SLC4A4: variants seen among roughly 807,000 people sequenced by gnomAD.
SLC4A4 encodes electrogenic sodium bicarbonate cotransporter 1.
SLC4A4 carries 27 observed loss-of-function variants against 111.5 expected under a neutral mutation model. The ratio of observed to expected loss-of-function variants is 0.24; its 90% confidence interval spans 0.18 to 0.33. The LOEUF (loss-of-function observed/expected upper bound fraction) is 0.33. Among genes scored for constraint, SLC4A4 ranks in the 10% least tolerant of loss-of-function variants. The pLI, the probability that SLC4A4 is intolerant of heterozygous loss-of-function variation, is 1.00. For synonymous variants in SLC4A4, 443 were observed against 463.4 expected (o/e 0.96, Z 0.57); for missense variants, 909 against 1,315.5 (o/e 0.69, Z 4.78).
chr4:71,129,236 A>G (rs945693270), intron 2 of SLC4A4, among the ~76,000 whole-genome samples: 4 of 152,260 alleles, frequency 2.6e-5, no homozygotes, highest in Non-Finnish European at 5.9e-5. Context: ...TCTAACATCC[A>G]GAATCTGTTA....
rs1319095531 is a variant in SLC4A4 at position 71,262,644 on chromosome 4, T to G, written c.253+7245T>G. The stretch of plus-strand genomic sequence containing the variant: ...CTAAGGCAATACTTCTTATTTGGAA[T>G]TTCAGCGTTAAGTTCATCCTTGAAA... On this transcript the variant is annotated intron_variant, in intron 3 of 25. Transcript: ENST00000264485. Among the ~76,000 whole-genome samples the G allele has an allele frequency of 5.3e-5, 8 of 152,202 alleles. 1 individual carries two copies. Among genetic ancestry groups the G allele is most frequent in the Middle Eastern group, 6.3e-3 (2 of 316 alleles).
At chr4:71,356,870 C>T in intron 5 of SLC4A4, 138 bp from the exon 6 acceptor site, 1 of 753,738 alleles carries the variant, frequency 1.3e-6, no homozygotes, top group Non-Finnish European at 2.1e-6. Context: ...TTATCTTTTA[C>T]ATAAAATGGG....
intron 23 of SLC4A4, among the ~76,000 whole-genome samples, chr4:71,563,345 T>C (rs1737159406): frequency 7.2e-6 from 1 of 139,828 alleles, no homozygotes; most frequent in African/African-American, 2.6e-5. Flanking sequence ...AGTCTGTCAC[T>C]TGTTCTAGAA....
chr4:71,232,407 T>C (rs577009014), intron 1 of SLC4A4, among the ~76,000 whole-genome samples: 2 of 152,282 alleles, frequency 1.3e-5, no homozygotes. Flanking sequence ...TTCTCTTTGT[T>C]TCTGTTTTTC....
chr4:71,211,037 T>C (rs1443941540), intron 1 of SLC4A4, among the ~76,000 whole-genome samples: 4 of 152,238 alleles, frequency 2.6e-5, no homozygotes, highest in African/African-American at 9.6e-5. Flanking sequence ...CAGAATGTTT[T>C]TCTTTGTAAT....
At chr4:71,427,299 G>A (rs1171729188) in intron 7 of SLC4A4, among the ~76,000 whole-genome samples, 3 of 151,936 alleles carry the variant, frequency 2.0e-5, no homozygotes, top group Admixed American at 2.0e-4. Context: ...AGGCATGAAT[G>A]TTACTGAATG....
intron 14 of SLC4A4, among the ~76,000 whole-genome samples, chr4:71,484,359 A>C (rs567993313): frequency 3.2e-4 from 49 of 151,940 alleles, no homozygotes; most frequent in South Asian, 4.2e-4. Context: ...TATGTTGCAT[A>C]AGGAAGAGGT....
intron 7 of SLC4A4, among the ~76,000 whole-genome samples, chr4:71,403,222 C>G (rs1405743841): frequency 6.6e-6 from 1 of 152,100 alleles, no homozygotes; most frequent in Non-Finnish European, 1.5e-5. Flanking sequence ...AAATTTAGAG[C>G]TATGGTTTTA....
intron 2 of SLC4A4, among the ~76,000 whole-genome samples, chr4:71,169,361 G>T (rs572079305): frequency 2.3e-4 from 35 of 151,890 alleles, no homozygotes; most frequent in Admixed American, 4.6e-4. Context: ...CTCCATAGTG[G>T]TTATACTAAT....
At chr4:71,190,529 G>A (rs1006130254) in intron 1 of SLC4A4, among the ~76,000 whole-genome samples, 1 of 151,944 alleles carries the variant, frequency 6.6e-6, no homozygotes, top group Non-Finnish European at 1.5e-5. Context: ...ATTGCATTTG[G>A]TAGTCTCAGC....
rs147405650 is a variant in SLC4A4, at chr4:71,145,247, G to A, written c.-2+52455G>A. ...TTGGTTCGTTTATATGCTGGATTAC[G>A]TTTATTGATTTGTGTATGTTGAACC... is the stretch of plus-strand genomic sequence containing the variant. On this transcript the variant is annotated intron_variant, in intron 2 of 26. Transcript: ENST00000649996. 2.0e-4 allele frequency among the ~76,000 whole-genome samples: 30 copies of A among 152,166 alleles called. No individual in the cohort carries two copies. In the South Asian group the frequency reaches 6.0e-3, roughly 31 times the overall value.
At chr4:71,296,240 G>T (rs560640458) in intron 3 of SLC4A4, among the ~76,000 whole-genome samples, 1 of 152,082 alleles carries the variant, frequency 6.6e-6, no homozygotes, top group South Asian at 2.1e-4. Flanking sequence ...GGAGCAGAAA[G>T]TGAAAGTCTC....
chr4:71,062,966 G>A (rs780380137), intron 1 of SLC4A4, among the ~76,000 whole-genome samples: 2 of 152,150 alleles, frequency 1.3e-5, no homozygotes, highest in Non-Finnish European at 2.9e-5. Context: ...TGCAAATACA[G>A]TGCACACACG....
At chr4:71,350,656 A>G (rs1452684770) in intron 5 of SLC4A4, among the ~76,000 whole-genome samples, 1 of 152,188 alleles carries the variant, frequency 6.6e-6, no homozygotes, top group Non-Finnish European at 1.5e-5. Context: ...CTTGACAGCT[A>G]ATCTATTTCT....
intron 2 of SLC4A4, among the ~76,000 whole-genome samples, chr4:71,100,353 A>G (rs897971519): frequency 2.6e-5 from 4 of 151,986 alleles, no homozygotes; most frequent in African/African-American, 9.7e-5. Flanking sequence ...GACAAAAAAA[A>G]AACACATGAT....
intron 14 of SLC4A4, among the ~76,000 whole-genome samples, chr4:71,476,833 T>C (rs1283272777): frequency 1.3e-5 from 2 of 151,716 alleles, no homozygotes; most frequent in African/African-American, 4.8e-5. Flanking sequence ...TTGACATATG[T>C]GAGTGGATAC....
intron 2 of SLC4A4, among the ~76,000 whole-genome samples, chr4:71,135,455 C>T (rs989797374): frequency 6.6e-6 from 1 of 151,990 alleles, no homozygotes; most frequent in African/African-American, 2.4e-5. Context: ...ACCACCATGC[C>T]TGGCTAATTT....
upstream of SLC4A4, among the ~76,000 whole-genome samples, chr4:71,184,968 A>C (rs1176432275): frequency 6.6e-6 from 1 of 152,214 alleles, no homozygotes; most frequent in Admixed American, 6.5e-5. Context: ...CATTAATTTA[A>C]GACACATACC....
chr4:71,536,710 G>A lies in SLC4A4; in HGVS notation c.2442+2322G>A, dbSNP rs185813035. ...GGGTTTTTGCCATGTTGGTCAGGCT[G>A]GTCTTGAACTCCTGACCTCGTGATC... On this transcript the variant is annotated intron_variant, in intron 18 of 25. Transcript: ENST00000264485. 3.2e-3 allele frequency among the ~76,000 whole-genome samples: 475 copies of A among 150,574 alleles called. 3 individuals carry two copies. The highest frequency in any genetic ancestry group is 0.011 in the African/African-American group (464 of 41,066).
Sources: allele counts gnomAD v4.1 joint callset (sites outside exome capture counted in the v4.1 genomes callset), GRCh38; gene constraint gnomAD v4.1.1; transcripts MANE v1.5; gene names NCBI Gene and HGNC (gene_info 2026-07-23, HGNC 2026-07-21).